GMPPA: variants seen among roughly 807,000 people sequenced by gnomAD.
GMPPA encodes the protein GDP-mannose pyrophosphorylase A.
A neutral mutation model predicts 58.6 loss-of-function variants in GMPPA; 46 were observed. The observed-to-expected ratio is 0.78, with a 90% CI of 0.62 to 1.00. The LOEUF (loss-of-function observed/expected upper bound fraction) is 1.00, where lower values mean the gene tolerates loss of function less well. GMPPA is among the 50% of genes least tolerant of loss of function. The pLI, the probability that GMPPA is intolerant of heterozygous loss-of-function variation, is 0.00. For missense variants in GMPPA, 468 were observed against 556.4 expected (o/e 0.84, Z 1.60); for synonymous variants, 211 against 214.9 (o/e 0.98, Z 0.16).
intron 6 of GMPPA, among the ~76,000 whole-genome samples, chr2:219,503,828 C>G (rs1694481361): frequency 6.6e-6 from 1 of 152,166 alleles, no homozygotes; most frequent in African/African-American, 2.4e-5. Context: ...GGAAATGCGT[C>G]TGAGAGGTAG....
chr2:219,505,765 A>T lies in GMPPA; in HGVS notation c.900+4A>T, dbSNP rs759858230. On this transcript the variant is annotated splice_donor_region_variant and intron_variant, in intron 10 of 12. Transcript: ENST00000313597. ...CAAGGTGGCCCCCTCGGCTGTGGTG[A>T]GCACTGGTCCCAGCCCCAGGGAGGG... The T allele has an allele frequency of 6.3e-7, 1 of 1,599,638 alleles. No individual in the cohort carries two copies. Among genetic ancestry groups the T allele is most frequent in the Admixed American group, 1.7e-5 (1 of 59,656 alleles).
At chr2:219,504,467 G>T in intron 7 of GMPPA, 1 of 549,382 alleles carries the variant, frequency 1.8e-6, no homozygotes, top group Non-Finnish European at 3.2e-6. Context: ...CCTAAGCCCT[G>T]AGTGTCCCAG....
In GMPPA at chr2:219,504,037, G is replaced by A. The variant is rs745929646; in HGVS notation, c.490-46G>A. On this transcript the variant is annotated intron_variant, in intron 6 of 12. Transcript: ENST00000313597. The stretch of plus-strand genomic sequence containing the variant: ...AAATCAGAGGGTCTTAGGGGACTGT[G>A]GCGGTAGTCCCTTCTTCTACTGAAC... 4 of 1,606,534 alleles carry A rather than the reference G, an allele frequency of 2.5e-6. No homozygotes were observed. The South Asian group carries it at 3.3e-5, about 13-fold the overall frequency.
At chr2:219,504,371 C>T (rs1431479789) in intron 7 of GMPPA, 158 bp downstream of exon 7, 2 of 646,684 alleles carry the variant, frequency 3.1e-6, no homozygotes, top group South Asian at 2.0e-5. Flanking sequence ...AGTCCCTCCC[C>T]TTCTAACCTC....
intron 12 of GMPPA, 71 bp downstream of exon 12, chr2:219,506,493 T>C (rs1256137534): frequency 1.3e-5 from 18 of 1,435,420 alleles, no homozygotes; most frequent in Non-Finnish European, 1.6e-5. Flanking sequence ...GGAGCATTCG[T>C]TCCTCTGTGT....
At chr2:219,504,631 T>C in intron 7 of GMPPA, 1 of 212,068 alleles carries the variant, frequency 4.7e-6, no homozygotes, top group Non-Finnish European at 9.4e-6. Context: ...AGTCCCAGGG[T>C]CTTCCCTCCT....
intron 6 of GMPPA, among the ~76,000 whole-genome samples, chr2:219,503,300 T>C (rs1273871706): frequency 6.6e-6 from 1 of 152,106 alleles, no homozygotes; most frequent in Non-Finnish European, 1.5e-5. Flanking sequence ...AATTTTTGTA[T>C]TTTTAGTAGA....
chr2:219,502,394 C>A lies in GMPPA; in HGVS notation c.442C>A (p.Gln148Lys), dbSNP rs1158046994. The change falls in exon 6 of 13, where the codon CAA (glutamine) becomes AAA (lysine). Residue 148 changes from glutamine (Q) to lysine (K), a missense_variant. Transcript: ENST00000313597. This position sits in a 1 kb window ranked among gnomAD's most constrained non-coding sequence, Gnocchi z 4.0. ...LLLGTTANRT[Q>K]SLNYGCIVEN... ...GTCTGTCTTTCAGGCTAACAGGACG[C>A]AATCCCTCAACTACGGCTGCATCGT... The A allele has an allele frequency of 1.2e-6, 2 of 1,613,892 alleles. No individual in the cohort carries two copies. Among genetic ancestry groups the A allele is most frequent in the Admixed American group, 1.7e-5 (1 of 60,018 alleles).
intron 10 of GMPPA, 91 bp downstream of exon 10, chr2:219,505,852 T>C: frequency 8.3e-7 from 1 of 1,198,354 alleles, no homozygotes; most frequent in Non-Finnish European, 1.2e-6. Flanking sequence ...TGCCGGTTTC[T>C]TCACTTTGTC....
chr2:219,502,233 G>C lies in GMPPA; in HGVS notation c.430-149G>C. 1.2e-6 allele frequency: 1 copy of C among 836,812 alleles called. No homozygotes were observed. The highest frequency in any genetic ancestry group is 1.6e-5 in the South Asian group (1 of 63,778). The allele number at this position is 836,812 out of a possible 1,614,324, so 51.8% of individuals were successfully genotyped here. A position where few individuals can be genotyped will look rare whatever the true frequency, so the allele number is the denominator to read the frequency against. On this transcript the variant is annotated intron_variant, in intron 5 of 12. Coordinates refer to ENST00000313597, the MANE Select transcript of GMPPA (RefSeq NM_013335.4). This position sits in a 1 kb window ranked among gnomAD's most constrained non-coding sequence, Gnocchi z 4.0. ...TCTGGCTGTTCAGAAGTAGGGAGGG[G>C]GAGGGCAGCTGTCAGTTTCCACCCT...
At position 219,506,069 on chromosome 2, in the gene GMPPA, G is replaced by T; in HGVS notation, c.990G>T (p.Leu330Phe). 3.2e-6 allele frequency: 5 copies of T among 1,579,464 alleles called. No individual in the cohort carries two copies. Among genetic ancestry groups the T allele is most frequent in the Non-Finnish European group, 4.3e-6 (5 of 1,156,486 alleles). The change falls in exon 11 of 13, where the codon TTG (leucine) becomes TTT (phenylalanine). Residue 330 changes from leucine (L) to phenylalanine (F), a missense_variant. Coordinates refer to ENST00000313597, the MANE Select transcript of GMPPA (RefSeq NM_013335.4). The part of the protein sequence containing the change: ...RESIVLHGAT[L>F]QEHTCVLHSI... ...GCATCGTCCTCCATGGAGCCACTTTGCAGGTAGGTACCAGCATACACAGCA... is the reference window on the plus strand; with the variant it reads ...GCATCGTCCTCCATGGAGCCACTTTTCAGGTAGGTACCAGCATACACAGCA...
chr2:219,504,776 T>C, intron 7 of GMPPA: 3 of 775,158 alleles, frequency 3.9e-6, no homozygotes, highest in Non-Finnish European at 4.8e-6. Context: ...CTGGCCTCTC[T>C]GTCTCTGTCT....
Position 219,506,388 on chromosome 2 carries a change from G to A in GMPPA, c.1128G>A (p.Lys376=), listed in dbSNP as rs760688668. The change falls in exon 12 of 13, where the codon AAG becomes AAA. Residue 376 remains lysine (K), a synonymous_variant. Transcript: ENST00000313597. ...RARMDSESLF[K]DGKLLPAITI... is the part of the protein sequence containing the mutation. Reference sequence around the variant, plus strand: ...GCATGGACAGTGAGAGCCTCTTCAAGGACGGGAAGCTGCTGCCTGCTATCA... The same window carrying A: ...GCATGGACAGTGAGAGCCTCTTCAAAGACGGGAAGCTGCTGCCTGCTATCA... The A allele has an allele frequency of 1.9e-5, 30 of 1,613,512 alleles. No homozygotes were observed. The highest frequency in any genetic ancestry group is 2.5e-5 in the Non-Finnish European group (29 of 1,179,948).
At chr2:219,501,166 G>C (rs969048225) in intron 3 of GMPPA, 8 of 313,020 alleles carry the variant, frequency 2.6e-5, no homozygotes, top group Non-Finnish European at 4.8e-5. Context: ...AGGAGGCTGA[G>C]GTGGGAGGAT....
intron 11 of GMPPA, 55 bp from the exon 12 acceptor site, chr2:219,506,199 C>T (rs759003531): frequency 1.2e-4 from 192 of 1,550,756 alleles, no homozygotes; most frequent in African/African-American, 5.0e-4. Context: ...TCACACCCTC[C>T]GGTTCCTGCT....
In GMPPA at chr2:219,502,098, T is replaced by C; in HGVS notation, c.429+61T>C. ...GGTGATCCCAAGAGCTTCCCGGAATTCAGGGTGTTGGGGAGGCAGGGGCGC... is the reference window on the plus strand; with the variant it reads ...GGTGATCCCAAGAGCTTCCCGGAATCCAGGGTGTTGGGGAGGCAGGGGCGC... On this transcript the variant is annotated intron_variant, in intron 5 of 12. Transcript: ENST00000313597. This position sits in a 1 kb window ranked among gnomAD's most constrained non-coding sequence, Gnocchi z 4.0. 1 of 1,569,342 alleles carries C rather than the reference T, an allele frequency of 6.4e-7. No homozygotes were observed. The highest frequency in any genetic ancestry group is 8.7e-7 in the Non-Finnish European group (1 of 1,146,466).
intron 7 of GMPPA, chr2:219,504,967 T>C: frequency 1.1e-6 from 1 of 950,886 alleles, no homozygotes; most frequent in South Asian, 2.5e-5. Flanking sequence ...TGGGGGGAAC[T>C]CCTTATGGAA....
Position 219,504,228 on chromosome 2 carries a change from A to G in GMPPA, c.620+15A>G. 1.2e-6 allele frequency: 2 copies of G among 1,613,122 alleles called. No homozygotes were observed. The highest frequency in any genetic ancestry group is 1.7e-6 in the Non-Finnish European group (2 of 1,179,356). On this transcript the variant is annotated intron_variant, in intron 7 of 12. Coordinates refer to ENST00000313597, the MANE Select transcript of GMPPA (RefSeq NM_013335.4). ...GATGGGCAATTGTGAGGCAGGCCCC[A>G]TAGCCCTGTGACCCCAAGTACCCCC... is the stretch of plus-strand genomic sequence containing the variant.
chr2:219,503,814 G>A (rs528440982), intron 6 of GMPPA, among the ~76,000 whole-genome samples: 1 of 152,222 alleles, frequency 6.6e-6, no homozygotes, highest in Non-Finnish European at 1.5e-5. Flanking sequence ...GCATGCAGTC[G>A]GGTGGAAATG....
Sources: gnomAD v4.1 joint callset for allele counts (sites outside exome capture counted in the v4.1 genomes callset) on GRCh38, gnomAD v4.1.1 for gene constraint, Gnocchi (gnomAD v3.1) non-coding constraint, MANE v1.5 for transcripts, NCBI Gene and HGNC (gene_info 2026-07-23, HGNC 2026-07-21) for gene names.